Variants in DGKI observed in about 807,000 individuals in gnomAD.
DGKI encodes the protein DAG kinase iota.
Under a neutral mutation model 147.5 loss-of-function variants are expected in DGKI, and 55 were observed. That is an observed-to-expected ratio of 0.37 (90% confidence interval 0.30 to 0.47). The LOEUF is 0.47. Among genes scored for constraint, DGKI ranks in the 20% least tolerant of loss-of-function variants. The pLI, the probability that DGKI is intolerant of heterozygous loss-of-function variation, is 1.00. For missense variants in DGKI, 1,007 were observed against 1,323.8 expected, an observed-to-expected ratio of 0.76 and a Z score of 3.71; for synonymous variants, 469 against 477.1, an observed-to-expected ratio of 0.98 and a Z score of 0.22.
chr7:137,696,712 T>C (rs1823802067), intron 1 of DGKI, among the ~76,000 whole-genome samples: 3 of 138,018 alleles, frequency 2.2e-5, no homozygotes, highest in Admixed American at 1.6e-4. Context: ...AAAGTAATCC[T>C]TGAGAATGGA....
Position 137,811,384 on chromosome 7 carries a change from T to TCACA in DGKI, c.401+35074_401+35077dup, listed in dbSNP as rs55647700. Reference sequence around the variant, plus strand: ...CTCTCCCTCTCTCTCTCTCTCTCTCTCACACACACACACACACACACACAC... The same window carrying TCACA: ...CTCTCCCTCTCTCTCTCTCTCTCTCTCACACACACACACACACACACACACACAC... On this transcript the variant is annotated intron_variant, in intron 1 of 32. Transcript: ENST00000614521. Among the ~76,000 whole-genome samples the TCACA allele has an allele frequency of 3.3e-3, 433 of 132,196 alleles. 3 individuals carry two copies. The highest frequency in any genetic ancestry group is 6.0e-3 in the African/African-American group (199 of 33,190). The allele number at this position is 132,196 out of a possible 152,430, so 86.7% of individuals were successfully genotyped here.
At chr7:137,655,158 T>A (rs955949590) in intron 4 of DGKI, among the ~76,000 whole-genome samples, 14 of 152,156 alleles carry the variant, frequency 9.2e-5, no homozygotes, top group South Asian at 4.2e-4. Context: ...AAACTTGAGT[T>A]TTTTTAGTAT....
chr7:137,586,442 A>T (rs1250411255), intron 13 of DGKI, among the ~76,000 whole-genome samples: 1 of 152,078 alleles, frequency 6.6e-6, no homozygotes, highest in African/African-American at 2.4e-5. Context: ...AGAAAAAAAA[A>T]AAGTTGGTGG....
At chr7:137,615,515 A>G (rs1409669354) in intron 8 of DGKI, among the ~76,000 whole-genome samples, 1 of 147,654 alleles carries the variant, frequency 6.8e-6, no homozygotes, top group Non-Finnish European at 1.5e-5. Context: ...ATATACATAT[A>G]TGTGTATATG....
intron 20 of DGKI, among the ~76,000 whole-genome samples, chr7:137,537,445 T>C (rs769691391): frequency 1.3e-5 from 2 of 151,894 alleles, no homozygotes; most frequent in Non-Finnish European, 2.9e-5. Flanking sequence ...TGGAAATCCA[T>C]CAGAAAATAC....
At chr7:137,633,987 G>A (rs1361973773) in intron 6 of DGKI, among the ~76,000 whole-genome samples, 1 of 152,212 alleles carries the variant, frequency 6.6e-6, no homozygotes, top group Non-Finnish European at 1.5e-5. Flanking sequence ...AGGTCCTGGT[G>A]AGAAGAAAGG....
At chr7:137,701,713 A>G (rs1012236657) in intron 1 of DGKI, among the ~76,000 whole-genome samples, 3 of 152,192 alleles carry the variant, frequency 2.0e-5, no homozygotes, top group Admixed American at 6.5e-5. Flanking sequence ...AACATACCAT[A>G]TTTGTGTATT....
chr7:137,395,668 C>T lies in DGKI; in HGVS notation c.2987G>A (p.Cys996Tyr), dbSNP rs2128893768. The T allele has an allele frequency of 1.2e-6, 2 of 1,614,138 alleles. No homozygotes were observed. The highest frequency in any genetic ancestry group is 2.2e-5 in the East Asian group (1 of 44,860). ...CTGGCACACAGCCCGGTTCCGCTGG[C>T]AGGCAGCCTTGTGCAGTGCAGTCTC... ...TGETALHKAA[C>Y]QRNRAVCQLL... Residue 996 changes from cysteine to tyrosine, a missense_variant, in exon 32 of 33, where the codon TGC becomes TAC. By Grantham distance (194) the Cys-to-Tyr change is radical. This residue lies in a region of DGKI where 385 missense variants were observed against 445.2 expected (regional missense o/e 0.86). Coordinates refer to ENST00000614521, the MANE Select transcript of DGKI (RefSeq NM_001321708.2).
At chr7:137,635,092 T>C (rs191293229) in intron 6 of DGKI, among the ~76,000 whole-genome samples, 2 of 152,242 alleles carry the variant, frequency 1.3e-5, no homozygotes, top group East Asian at 3.9e-4. Context: ...ACCAGAGAGC[T>C]TTCCCTTTGT....
intron 1 of DGKI, among the ~76,000 whole-genome samples, chr7:137,735,473 T>C (rs1294499524): frequency 6.6e-6 from 1 of 152,116 alleles, no homozygotes; most frequent in African/African-American, 2.4e-5. Context: ...CCCAGGACCC[T>C]GAAGATACTG....
intron 27 of DGKI, among the ~76,000 whole-genome samples, chr7:137,449,293 T>C (rs1264067569): frequency 6.6e-6 from 1 of 151,816 alleles, no homozygotes; most frequent in African/African-American, 2.4e-5. Context: ...AACAGACAAA[T>C]AGAACAATGG....
intron 1 of DGKI, among the ~76,000 whole-genome samples, chr7:137,798,738 G>A (rs1435885816): frequency 6.6e-6 from 1 of 152,020 alleles, no homozygotes; most frequent in Admixed American, 6.6e-5. Flanking sequence ...ATACATCAAT[G>A]CAAAAATCCT....
intron 10 of DGKI, among the ~76,000 whole-genome samples, chr7:137,607,998 G>A (rs191302239): frequency 1.8e-4 from 28 of 152,272 alleles, no homozygotes; most frequent in African/African-American, 6.5e-4. Context: ...TAAATCATAA[G>A]CTCCCATAAG....
intron 1 of DGKI, among the ~76,000 whole-genome samples, chr7:137,716,987 G>A (rs1182686536): frequency 6.6e-6 from 1 of 152,102 alleles, no homozygotes; most frequent in African/African-American, 2.4e-5. Context: ...TTCCAGATGG[G>A]CTTTTATCTT....
intron 1 of DGKI, among the ~76,000 whole-genome samples, chr7:137,751,793 A>G (rs1182783237): frequency 1.3e-5 from 2 of 152,208 alleles, no homozygotes; most frequent in African/African-American, 4.8e-5. Context: ...CAAGTGAGCC[A>G]GCCTGCATTC....
chr7:137,517,188 AAAAAGAAAAG>A (rs900401966), intron 21 of DGKI, among the ~76,000 whole-genome samples: 6 of 150,626 alleles, frequency 4.0e-5, no homozygotes, highest in African/African-American at 7.3e-5. Context: ...AGGTCATAAG[AAAAAGAAAAG>A]AAAAGAAAAG....
chr7:137,526,528 G>A (rs1817151505), intron 20 of DGKI, among the ~76,000 whole-genome samples: 1 of 152,000 alleles, frequency 6.6e-6, no homozygotes, highest in African/African-American at 2.4e-5. Flanking sequence ...ACTTTCTCAA[G>A]AACCATAATA....
At chr7:137,823,096 A>C (rs886538138) in intron 1 of DGKI, among the ~76,000 whole-genome samples, 1 of 152,134 alleles carries the variant, frequency 6.6e-6, no homozygotes, top group African/African-American at 2.4e-5. Flanking sequence ...TCTTGGCATT[A>C]AAAGTTTTTA....
intron 20 of DGKI, among the ~76,000 whole-genome samples, chr7:137,530,412 G>A (rs1817300111): frequency 6.6e-6 from 1 of 152,032 alleles, no homozygotes; most frequent in Non-Finnish European, 1.5e-5. Flanking sequence ...TTTAGACCAA[G>A]TTAATATCAT....
Sources: gnomAD v4.1 joint callset for allele counts (sites outside exome capture counted in the v4.1 genomes callset) on GRCh38, gnomAD v4.1.1 for gene constraint, gnomAD v4.1.1 regional missense constraint, MANE v1.5 for transcripts, NCBI Gene and HGNC (gene_info 2026-07-23, HGNC 2026-07-21) for gene names.